Variants in TAFA1 observed in about 807,000 individuals in gnomAD.
TAFA1 encodes chemokine-like protein TAFA-1.
TAFA1 carries 4 observed loss-of-function variants against 18.5 expected under a neutral mutation model. The observed-to-expected ratio is 0.22, with a 90% CI of 0.11 to 0.49. TAFA1 has a LOEUF of 0.49. Ranked by LOEUF, TAFA1 falls within the 20% of genes least tolerant of loss-of-function variation. The pLI is 0.98. For synonymous variants in TAFA1, 56 were observed against 55.2 expected (o/e 1.01, Z -0.06); for missense variants, 147 against 169.0 (o/e 0.87, Z 0.72).
intron 2 of TAFA1, among the ~76,000 whole-genome samples, chr3:68,413,457 T>G (rs1241980782): frequency 6.6e-6 from 1 of 152,214 alleles, no homozygotes; most frequent in African/African-American, 2.4e-5. Flanking sequence ...TCTTTAATAT[T>G]ATTACTATTA....
chr3:68,028,033 G>A (rs1271176953), intron 2 of TAFA1, among the ~76,000 whole-genome samples: 5 of 152,092 alleles, frequency 3.3e-5, no homozygotes, highest in African/African-American at 1.2e-4. Context: ...CAGCAGTATA[G>A]TTCAATAGAA....
intron 3 of TAFA1, among the ~76,000 whole-genome samples, chr3:68,537,371 T>G (rs59655339): frequency 0.23 from 35,695 of 152,038 alleles, 5,224 homozygotes; most frequent in East Asian, 0.47. Flanking sequence ...CATACTATCT[T>G]GAAACTTCAT....
At chr3:68,529,785 C>T (rs749225395) in intron 3 of TAFA1, among the ~76,000 whole-genome samples, 5 of 152,088 alleles carry the variant, frequency 3.3e-5, no homozygotes, top group Non-Finnish European at 7.3e-5. Flanking sequence ...ATTCACTCAC[C>T]CTCCCCTGTA....
At chr3:68,510,826 G>T (rs1365018453) in intron 3 of TAFA1, among the ~76,000 whole-genome samples, 3 of 151,854 alleles carry the variant, frequency 2.0e-5, no homozygotes, top group African/African-American at 7.3e-5. Context: ...AATGCAAGAA[G>T]GTGACAGGTT....
intron 2 of TAFA1, among the ~76,000 whole-genome samples, chr3:68,089,522 G>T (rs2065008235): frequency 1.3e-5 from 2 of 152,100 alleles, no homozygotes; most frequent in Admixed American, 1.3e-4. Flanking sequence ...TCAGTGTAGG[G>T]TATAAGAGAG....
At chr3:68,046,823 C>T (rs2064392416) in intron 2 of TAFA1, among the ~76,000 whole-genome samples, 2 of 152,130 alleles carry the variant, frequency 1.3e-5, no homozygotes, top group South Asian at 4.1e-4. Context: ...AGCTCTAGAT[C>T]CTGAATGGTA....
intron 2 of TAFA1, among the ~76,000 whole-genome samples, chr3:68,264,882 G>C (rs1034934789): frequency 7.9e-5 from 12 of 152,076 alleles, no homozygotes; most frequent in African/African-American, 2.9e-4. Context: ...CATCTGAGAA[G>C]ACAGAGATGG....
chr3:68,480,047 T>C (rs1186253176), intron 3 of TAFA1, among the ~76,000 whole-genome samples: 3 of 152,116 alleles, frequency 2.0e-5, no homozygotes, highest in Admixed American at 2.0e-4. Flanking sequence ...TCTCAAAGTG[T>C]GGTTCCATGC....
At chr3:68,047,025 A>C (rs1434992791) in intron 2 of TAFA1, among the ~76,000 whole-genome samples, 1 of 152,226 alleles carries the variant, frequency 6.6e-6, no homozygotes, top group Admixed American at 6.5e-5. Flanking sequence ...TGCTTCATTC[A>C]TTATCTTAGT....
intron 2 of TAFA1, among the ~76,000 whole-genome samples, chr3:68,317,752 G>T (rs2068629504): frequency 1.3e-5 from 2 of 152,166 alleles, no homozygotes; most frequent in Non-Finnish European, 2.9e-5. Context: ...TACAATTAAA[G>T]TTACTCAAAT....
rs776277921 is a variant in TAFA1, at chr3:68,442,109, A to G, written c.259+24689A>G. Among the ~76,000 whole-genome samples the G allele has an allele frequency of 9.9e-5, 15 of 152,260 alleles. No homozygotes were observed. In the South Asian group the frequency reaches 1.0e-3, roughly 11 times the overall value. Reference sequence around the variant, plus strand: ...GTTGCTTCCACATTTTCAGGTATTCATGATCACCACCACCCCACTCCTTAT... The same window carrying G: ...GTTGCTTCCACATTTTCAGGTATTCGTGATCACCACCACCCCACTCCTTAT... On this transcript the variant is annotated intron_variant, in intron 3 of 4. Transcript: ENST00000478136.
intron 2 of TAFA1, among the ~76,000 whole-genome samples, chr3:68,140,566 G>A (rs1169455853): frequency 1.3e-5 from 2 of 152,166 alleles, no homozygotes; most frequent in Non-Finnish European, 2.9e-5. Flanking sequence ...GTCCTGGGCT[G>A]AACACTTTCC....
At chr3:68,380,109 A>G (rs894018266) in intron 2 of TAFA1, among the ~76,000 whole-genome samples, 3 of 152,056 alleles carry the variant, frequency 2.0e-5, no homozygotes, top group Admixed American at 6.6e-5. Flanking sequence ...ATCCTTTTTT[A>G]TGGCTGCATA....
intron 2 of TAFA1, among the ~76,000 whole-genome samples, chr3:68,331,815 C>A (rs1473431930): frequency 6.7e-6 from 1 of 149,890 alleles, no homozygotes; most frequent in Non-Finnish European, 1.5e-5. Flanking sequence ...TCAATAAAGG[C>A]ACCAAGAATG....
At chr3:68,120,084 G>C (rs2065370352) in intron 2 of TAFA1, among the ~76,000 whole-genome samples, 1 of 152,158 alleles carries the variant, frequency 6.6e-6, no homozygotes, top group Non-Finnish European at 1.5e-5. Flanking sequence ...AAATACTCAA[G>C]TGGTCCTGCC....
At chr3:68,380,409 C>T (rs1294453831) in intron 2 of TAFA1, among the ~76,000 whole-genome samples, 1 of 152,172 alleles carries the variant, frequency 6.6e-6, no homozygotes, top group Non-Finnish European at 1.5e-5. Flanking sequence ...TCCTATTTCT[C>T]CACATCCTCT....
At chr3:68,405,145 T>C (rs1339465285) in intron 2 of TAFA1, among the ~76,000 whole-genome samples, 1 of 152,180 alleles carries the variant, frequency 6.6e-6, no homozygotes, top group Non-Finnish European at 1.5e-5. Flanking sequence ...TATATCTTCA[T>C]AAAGGAGTTT....
At chr3:68,491,024 A>C (rs2072442347) in intron 3 of TAFA1, among the ~76,000 whole-genome samples, 1 of 151,822 alleles carries the variant, frequency 6.6e-6, no homozygotes. Context: ...CTTTTTATAG[A>C]GATGGGATTT....
At chr3:68,200,656 A>G (rs932784059) in intron 2 of TAFA1, among the ~76,000 whole-genome samples, 3 of 151,694 alleles carry the variant, frequency 2.0e-5, no homozygotes, top group African/African-American at 7.2e-5. Context: ...CTTTCAATGT[A>G]CATGGGATCT....
Sources: allele counts gnomAD v4.1 joint callset (sites outside exome capture counted in the v4.1 genomes callset), GRCh38; gene constraint gnomAD v4.1.1; transcripts MANE v1.5; gene names NCBI Gene and HGNC (gene_info 2026-07-23, HGNC 2026-07-21).